Variants in AGPAT3 observed in about 807,000 individuals in gnomAD.
AGPAT3 encodes the protein 1-acylglycerol-3-phosphate O-acyltransferase 3, also known as 1-acyl-sn-glycerol-3-phosphate acyltransferase gamma.
In AGPAT3, 5 loss-of-function variants were observed where a neutral mutation model predicts 47.3. The observed-to-expected ratio is 0.11, with a 90% CI of 0.06 to 0.22. AGPAT3 has a LOEUF of 0.22. Among genes scored for constraint, AGPAT3 ranks in the 10% least tolerant of loss-of-function variants. AGPAT3 has a pLI of 1.00. For missense variants in AGPAT3, 315 were observed against 493.0 expected, an observed-to-expected ratio of 0.64 and a Z score of 3.42; for synonymous variants, 212 against 208.3, an observed-to-expected ratio of 1.02 and a Z score of -0.15.
intron 1 of AGPAT3, among the ~76,000 whole-genome samples, chr21:43,900,832 T>G (rs62228707): frequency 6.6e-6 from 1 of 152,026 alleles, no homozygotes; most frequent in South Asian, 2.1e-4. Flanking sequence ...GAGCGAGATC[T>G]GAAAAGATCA....
At chr21:43,942,404 C>G (rs11700969) in intron 2 of AGPAT3, among the ~76,000 whole-genome samples, 2 of 152,208 alleles carry the variant, frequency 1.3e-5, no homozygotes, top group African/African-American at 2.4e-5. Context: ...GCGTCCTTCA[C>G]GAGGCGCTCC....
intron 1 of AGPAT3, among the ~76,000 whole-genome samples, chr21:43,874,466 G>A (rs2085690608): frequency 6.6e-6 from 1 of 152,182 alleles, no homozygotes. Flanking sequence ...ATGCATTTAT[G>A]TCCAAAGGCA....
rs534505169 is a variant in AGPAT3 at position 43,986,420 on chromosome 21, G to A, written c.*4028G>A. ...GTAATGACAATGTCACCTGGAGTTC[G>A]TCTCCATTTCTTAACTTTTTGTTGC... On this transcript the variant is annotated 3_prime_UTR_variant, in exon 10 of 10. Coordinates refer to ENST00000291572, the MANE Select transcript of AGPAT3 (RefSeq NM_020132.5). 4 of 152,702 alleles carry A rather than the reference G, an allele frequency of 2.6e-5. No homozygotes were observed. The East Asian group carries it at 7.7e-4, about 29-fold the overall frequency. 9.5% of individuals were successfully genotyped at this position (152,702 alleles called of 1,614,324 possible).
chr21:43,938,780 G>A (rs2146346538), intron 2 of AGPAT3, among the ~76,000 whole-genome samples: 1 of 152,332 alleles, frequency 6.6e-6, no homozygotes, highest in East Asian at 1.9e-4. Flanking sequence ...TCACACAGCT[G>A]CGGAGGGTCA....
chr21:43,944,877 G>C (rs2087814092), intron 2 of AGPAT3, among the ~76,000 whole-genome samples: 2 of 152,252 alleles, frequency 1.3e-5, no homozygotes, highest in Non-Finnish European at 2.9e-5. Flanking sequence ...AAGTGCGGGA[G>C]GTGTCCAGGT....
chr21:43,923,277 G>A (rs1026580770), intron 2 of AGPAT3, among the ~76,000 whole-genome samples: 1 of 152,172 alleles, frequency 6.6e-6, no homozygotes, highest in African/African-American at 2.4e-5. Context: ...CCAGATTCAT[G>A]CACTCGGGGA....
intron 7 of AGPAT3, among the ~76,000 whole-genome samples, chr21:43,976,742 G>T (rs80348883): frequency 6.6e-6 from 1 of 152,264 alleles, no homozygotes; most frequent in Admixed American, 6.5e-5. Context: ...AACTTGTTCA[G>T]ATATGTGTTT....
At chr21:43,901,157 GTT>G (rs1009151073) in intron 1 of AGPAT3, among the ~76,000 whole-genome samples, 3 of 151,974 alleles carry the variant, frequency 2.0e-5, no homozygotes, top group Non-Finnish European at 2.9e-5. Flanking sequence ...GTGTTCTTTT[GTT>G]TGTTTTAAGA....
At chr21:43,969,425 C>A in intron 5 of AGPAT3, 146 bp downstream of exon 5, 1 of 1,069,218 alleles carries the variant, frequency 9.4e-7, no homozygotes, top group African/African-American at 1.6e-5. Context: ...ATGACTCCCC[C>A]ATCTGAGCTG....
intron 2 of AGPAT3, 38 bp from the exon 3 acceptor site, chr21:43,959,596 T>A: frequency 5.0e-6 from 8 of 1,585,758 alleles, no homozygotes; most frequent in Non-Finnish European, 6.9e-6. Flanking sequence ...GGTGTGGGCG[T>A]GGCCACCCTG....
At chr21:43,884,181 G>A (rs2085914421) in intron 1 of AGPAT3, among the ~76,000 whole-genome samples, 1 of 152,090 alleles carries the variant, frequency 6.6e-6, no homozygotes, top group Admixed American at 6.6e-5. Flanking sequence ...AGTGCTGGAG[G>A]CCTGTCGAAA....
intron 7 of AGPAT3, among the ~76,000 whole-genome samples, chr21:43,974,338 C>T (rs1008207596): frequency 1.3e-5 from 2 of 149,128 alleles, no homozygotes; most frequent in African/African-American, 5.0e-5. Flanking sequence ...TATAGTGTGG[C>T]GTGTGTATAA....
chr21:43,930,711 C>G lies in AGPAT3; in HGVS notation c.-49+26692C>G, dbSNP rs189360671. 1.3e-5 allele frequency among the ~76,000 whole-genome samples: 2 copies of G among 152,104 alleles called. No individual in the cohort carries two copies. The highest frequency in any genetic ancestry group is 4.1e-4 in the South Asian group (2 of 4,828). On this transcript the variant is annotated intron_variant, in intron 2 of 9. Coordinates refer to ENST00000291572, the MANE Select transcript of AGPAT3 (RefSeq NM_020132.5). The surrounding 1 kb of genome is among the most constrained non-coding windows in gnomAD (Gnocchi z 5.0). ...CTGGGCTGAGGGGAGCAGAGGGAAG[C>G]AGGGCTTGCTGGCACATTCCCAGGG...
chr21:43,943,655 G>GGCCTGCCAGGCCTCAGCCGCCAC (rs1569078966), intron 2 of AGPAT3, among the ~76,000 whole-genome samples: 1 of 152,206 alleles, frequency 6.6e-6, no homozygotes, highest in Admixed American at 6.5e-5. Context: ...CCCTGCGCCT[G>GGCCTGCCAGGCCTCAGCCGCCAC]GCCTGCCAGG....
intron 1 of AGPAT3, among the ~76,000 whole-genome samples, chr21:43,870,149 C>T (rs370182325): frequency 2.6e-5 from 4 of 152,320 alleles, no homozygotes; most frequent in Admixed American, 6.5e-5. Context: ...GACTCCCTGC[C>T]GTGGCTGGCA....
At chr21:43,899,423 C>T (rs938186027) in intron 1 of AGPAT3, among the ~76,000 whole-genome samples, 6 of 152,148 alleles carry the variant, frequency 3.9e-5, no homozygotes, top group African/African-American at 7.2e-5. Flanking sequence ...CAAGAAAGGA[C>T]GACCACAGGA....
rs545935877 is a variant in AGPAT3 at position 43,982,507 on chromosome 21, A to T, written c.*115A>T. 3 of 730,266 alleles carry T rather than the reference A, an allele frequency of 4.1e-6. No homozygotes were observed. The East Asian group carries it at 8.3e-5, about 20-fold the overall frequency. The allele number at this position is 730,266 out of a possible 1,614,324, so 45.2% of individuals were successfully genotyped here. ...AAACTATTTTTCTTATTAACTGGTGACTAATATTAACAAAACTTGAGCCAA... is the reference window on the plus strand; with the variant it reads ...AAACTATTTTTCTTATTAACTGGTGTCTAATATTAACAAAACTTGAGCCAA... On this transcript the variant is annotated 3_prime_UTR_variant, in exon 10 of 10. Coordinates refer to ENST00000291572, the MANE Select transcript of AGPAT3 (RefSeq NM_020132.5). This position sits in a 1 kb window ranked among gnomAD's most constrained non-coding sequence, Gnocchi z 6.2.
At chr21:43,964,188 C>T (rs2089015678) in intron 3 of AGPAT3, among the ~76,000 whole-genome samples, 1 of 150,502 alleles carries the variant, frequency 6.6e-6, no homozygotes, top group African/African-American at 2.4e-5. Context: ...AGTTCAAGAC[C>T]AGCCTGGTCA....
chr21:43,951,802 A>G (rs2088206528), intron 2 of AGPAT3, among the ~76,000 whole-genome samples: 1 of 152,200 alleles, frequency 6.6e-6, no homozygotes, highest in Admixed American at 6.5e-5. Context: ...TCCTCTGTTC[A>G]GAAGGAAGAA....
Sources: gnomAD v4.1 joint callset for allele counts (sites outside exome capture counted in the v4.1 genomes callset) on GRCh38, gnomAD v4.1.1 for gene constraint, Gnocchi (gnomAD v3.1) non-coding constraint, MANE v1.5 for transcripts, NCBI Gene and HGNC (gene_info 2026-07-23, HGNC 2026-07-21) for gene names.